RSU1: variants seen among roughly 807,000 people sequenced by gnomAD.
The protein encoded by RSU1 is rsu-1.
In RSU1, 26 loss-of-function variants were observed where a neutral mutation model predicts 31.1. The ratio of observed to expected loss-of-function variants is 0.84; its 90% CI spans 0.61 to 1.16. The LOEUF (loss-of-function observed/expected upper bound fraction) is 1.16. RSU1 is among the 50% of genes most tolerant of loss of function. The pLI is 0.00. For missense variants in RSU1, 320 were observed against 339.1 expected (o/e 0.94, Z 0.44); for synonymous variants, 164 against 136.3 (o/e 1.20, Z -1.41).
At chr10:16,681,631 A>T (rs1201262289) in intron 8 of RSU1, among the ~76,000 whole-genome samples, 1 of 152,206 alleles carries the variant, frequency 6.6e-6, no homozygotes, top group East Asian at 1.9e-4. Flanking sequence ...ATTAGAAATC[A>T]TTGCTGGGAC....
At chr10:16,775,539 T>C (rs117867396) in intron 3 of RSU1, among the ~76,000 whole-genome samples, 1,645 of 152,190 alleles carry the variant, frequency 0.011, 17 homozygotes, top group Middle Eastern at 0.034. Context: ...GTGGCCACAG[T>C]CTACAAGCTG....
chr10:16,617,019 C>T (rs1833989210), intron 8 of RSU1, among the ~76,000 whole-genome samples: 1 of 152,146 alleles, frequency 6.6e-6, no homozygotes, highest in Non-Finnish European at 1.5e-5. Context: ...GGAAAGTATT[C>T]AACTAGGAAG....
chr10:16,599,347 C>T (rs577924802), intron 8 of RSU1, among the ~76,000 whole-genome samples: 2 of 152,190 alleles, frequency 1.3e-5, no homozygotes, highest in Non-Finnish European at 2.9e-5. Context: ...CTGGGAAACG[C>T]CAACCATCCC....
intron 7 of RSU1, among the ~76,000 whole-genome samples, chr10:16,741,170 A>G (rs148573709): frequency 1.3e-5 from 2 of 152,370 alleles, no homozygotes; most frequent in East Asian, 3.9e-4. Flanking sequence ...ATCTGCTGTC[A>G]ATTGGTTGTT....
intron 3 of RSU1, among the ~76,000 whole-genome samples, chr10:16,778,548 A>G (rs1425548878): frequency 6.6e-6 from 1 of 152,182 alleles, no homozygotes; most frequent in Non-Finnish European, 1.5e-5. Flanking sequence ...AGAGAGAAAA[A>G]AAACACAAAG....
At chr10:16,606,710 G>A (rs1833811479) in intron 8 of RSU1, among the ~76,000 whole-genome samples, 1 of 152,202 alleles carries the variant, frequency 6.6e-6, no homozygotes, top group Non-Finnish European at 1.5e-5. Context: ...ACATTGTCCT[G>A]TGGCTCTAGA....
chr10:16,759,344 A>G (rs1485499503), intron 4 of RSU1, among the ~76,000 whole-genome samples: 2 of 152,092 alleles, frequency 1.3e-5, no homozygotes, highest in South Asian at 2.1e-4. Context: ...TACCAAAAAA[A>G]AAACCTACAA....
intron 3 of RSU1, among the ~76,000 whole-genome samples, chr10:16,778,170 G>GT (rs1002172572): frequency 5.9e-5 from 9 of 151,746 alleles, no homozygotes; most frequent in Admixed American, 2.0e-4. Context: ...CCTGGCTCAT[G>GT]TTTTTTTTAA....
At chr10:16,701,256 A>G (rs1835787411) in intron 7 of RSU1, among the ~76,000 whole-genome samples, 1 of 152,218 alleles carries the variant, frequency 6.6e-6, no homozygotes, top group Non-Finnish European at 1.5e-5. Flanking sequence ...AGTATCCTTT[A>G]ATTTAAGTAT....
chr10:16,708,621 T>G (rs192119996), intron 7 of RSU1, among the ~76,000 whole-genome samples: 76 of 152,248 alleles, frequency 5.0e-4, no homozygotes, highest in African/African-American at 1.8e-3. Context: ...GTAAAGAATG[T>G]CATTAGTATT....
intron 8 of RSU1, among the ~76,000 whole-genome samples, chr10:16,660,872 C>T (rs1834875914): frequency 6.6e-6 from 1 of 151,988 alleles, no homozygotes; most frequent in South Asian, 2.1e-4. Context: ...TCCTCGAACT[C>T]CTGGCCTCAA....
In RSU1 at chr10:16,764,373, G is replaced by T. The variant is rs762891402; in HGVS notation, c.281+17C>A. ...CACTCTCTTCCTCTCCATCCTTTCC[G>T]CTCCACTGATACTCACCCAAGGTTC... is the stretch of plus-strand genomic sequence containing the variant. On this transcript the variant is annotated intron_variant, in intron 4 of 8. Transcript: ENST00000345264. 1.2e-6 allele frequency: 2 copies of T among 1,601,792 alleles called. No homozygotes were observed. The highest frequency in any genetic ancestry group is 1.7e-6 in the Non-Finnish European group (2 of 1,173,444).
At position 16,759,603 on chromosome 10, in the gene RSU1, C is replaced by T. The variant is rs148172236; in HGVS notation, c.282-4614G>A. ...TTATGAGACAAGCTCTAGCAACAAA[C>T]GAGGTCAAACGTTATTCCCGAACAG... On this transcript the variant is annotated intron_variant, in intron 4 of 8. Transcript: ENST00000345264. 3.7e-4 allele frequency among the ~76,000 whole-genome samples: 56 copies of T among 152,250 alleles called. No individual in the cohort carries two copies. The East Asian group carries it at 7.9e-3, about 22-fold the overall frequency.
At chr10:16,614,409 TAAAA>T (rs10608514) in intron 8 of RSU1, among the ~76,000 whole-genome samples, 2,858 of 145,346 alleles carry the variant, frequency 0.02, 68 homozygotes, top group African/African-American at 0.068. Context: ...GGTTAATGGT[TAAAA>T]AAAAAAATAG....
chr10:16,674,028 C>T (rs1835172763), intron 8 of RSU1, among the ~76,000 whole-genome samples: 1 of 152,114 alleles, frequency 6.6e-6, no homozygotes, highest in South Asian at 2.1e-4. Context: ...TCTCAGCAGC[C>T]AATATCTAGG....
chr10:16,799,409 G>A (rs950095600), intron 2 of RSU1, among the ~76,000 whole-genome samples: 9 of 152,302 alleles, frequency 5.9e-5, no homozygotes, highest in South Asian at 2.1e-4. Context: ...CATAGTAGGA[G>A]CAGAAATACC....
At chr10:16,624,429 A>C (rs6602138) in intron 8 of RSU1, among the ~76,000 whole-genome samples, 16,754 of 151,902 alleles carry the variant, frequency 0.11, 2,648 homozygotes, top group African/African-American at 0.36. Flanking sequence ...GCCCAGTTCT[A>C]GCCATCCCAA....
chr10:16,697,551 C>A lies in RSU1; in HGVS notation c.599-2396G>T, dbSNP rs1199252036. On this transcript the variant is annotated intron_variant, in intron 7 of 8. Coordinates refer to ENST00000345264, the MANE Select transcript of RSU1 (RefSeq NM_012425.4). ...CAGTGGTGCGCACCTGTAGTCCCAGCCTCTTGGGAGGCTGAGGCAGGAGAA... is the reference window on the plus strand; with the variant it reads ...CAGTGGTGCGCACCTGTAGTCCCAGACTCTTGGGAGGCTGAGGCAGGAGAA... 6.6e-4 allele frequency among the ~76,000 whole-genome samples: 100 copies of A among 151,968 alleles called. 2 individuals carry two copies. The highest frequency in any genetic ancestry group is 1.6e-4 in the Non-Finnish European group (11 of 67,996).
chr10:16,745,052 G>A (rs1044708049), intron 7 of RSU1, among the ~76,000 whole-genome samples: 20 of 152,168 alleles, frequency 1.3e-4, no homozygotes, highest in African/African-American at 4.6e-4. Flanking sequence ...CTAGGCACTC[G>A]GTAACTAACT....
Sources: allele counts gnomAD v4.1 joint callset (sites outside exome capture counted in the v4.1 genomes callset), GRCh38; gene constraint gnomAD v4.1.1; transcripts MANE v1.5; gene names NCBI Gene and HGNC (gene_info 2026-07-23, HGNC 2026-07-21).